LPGAT1: variants seen among roughly 807,000 people sequenced by gnomAD.
The protein encoded by LPGAT1 is lysophosphatidylglycerol acyltransferase 1, also known as acyl-CoA:lysophosphatidylglycerol acyltransferase 1.
Under a neutral mutation model 47.5 loss-of-function variants are expected in LPGAT1, and 11 were observed. That is an observed-to-expected ratio of 0.23 (90% CI 0.15 to 0.38). LPGAT1 has a LOEUF of 0.38. Ranked by LOEUF, LPGAT1 falls within the 10% of genes least tolerant of loss-of-function variation. The pLI, the probability that LPGAT1 is intolerant of heterozygous loss-of-function variation, is 1.00. For synonymous variants in LPGAT1, 138 were observed against 144.2 expected, an observed-to-expected ratio of 0.96 and a Z score of 0.31; for missense variants, 293 against 439.0, an observed-to-expected ratio of 0.67 and a Z score of 2.97.
At chr1:211,802,809 A>C (rs952637951) in intron 2 of LPGAT1, among the ~76,000 whole-genome samples, 4 of 152,194 alleles carry the variant, frequency 2.6e-5, no homozygotes, top group African/African-American at 9.6e-5. Context: ...CAGTGGATAA[A>C]AACAGACCTA....
intron 6 of LPGAT1, among the ~76,000 whole-genome samples, chr1:211,774,772 A>T (rs1257070928): frequency 6.6e-6 from 1 of 152,200 alleles, no homozygotes; most frequent in East Asian, 1.9e-4. Context: ...AATCCTAAAA[A>T]CCAACATAAG....
intron 2 of LPGAT1, among the ~76,000 whole-genome samples, chr1:211,822,366 T>C (rs947852248): frequency 1.3e-5 from 2 of 152,190 alleles, no homozygotes; most frequent in Non-Finnish European, 2.9e-5. Context: ...TTTAGTAATA[T>C]TTACCTTTAA....
Position 211,749,128 on chromosome 1 carries a change from C to T in LPGAT1, c.*771G>A, listed in dbSNP as rs1420604913. 2.0e-5 allele frequency: 3 copies of T among 152,758 alleles called. No individual in the cohort carries two copies. In the East Asian group the frequency reaches 5.8e-4, roughly 29 times the overall value. The allele number at this position is 152,758 out of a possible 1,614,324, so 9.5% of individuals were successfully genotyped here. On this transcript the variant is annotated 3_prime_UTR_variant, in exon 8 of 8. Coordinates refer to ENST00000366997, the MANE Select transcript of LPGAT1 (RefSeq NM_014873.3). ...ACACTGCTATGCTCCCATTTGTTTT[C>T]AGGCTATATTACTAATCCTTTGCTA...
intron 2 of LPGAT1, among the ~76,000 whole-genome samples, chr1:211,815,453 A>T (rs1660137733): frequency 6.6e-6 from 1 of 152,064 alleles, no homozygotes; most frequent in Non-Finnish European, 1.5e-5. Context: ...CATCATCACT[A>T]GACCAACCAT....
chr1:211,760,827 T>G (rs536579963), intron 6 of LPGAT1, among the ~76,000 whole-genome samples: 104 of 152,354 alleles, frequency 6.8e-4, no homozygotes, highest in African/African-American at 2.4e-3. Flanking sequence ...TCAGGAAATC[T>G]AATTGTTTCT....
At chr1:211,812,908 A>C (rs182214475) in intron 2 of LPGAT1, among the ~76,000 whole-genome samples, 7 of 152,274 alleles carry the variant, frequency 4.6e-5, no homozygotes, top group Non-Finnish European at 8.8e-5. Context: ...GAACAGTGAG[A>C]GAATAAGTTT....
chr1:211,750,838 C>A, intron 7 of LPGAT1, 123 bp downstream of exon 7: 1 of 674,260 alleles, frequency 1.5e-6, no homozygotes. Flanking sequence ...GGATTTGCTT[C>A]TCACAGGCAA....
chr1:211,756,944 G>A (rs1169504521), intron 6 of LPGAT1, among the ~76,000 whole-genome samples: 5 of 149,790 alleles, frequency 3.3e-5, no homozygotes, highest in African/African-American at 1.2e-4. Context: ...CCAGAAGACA[G>A]TGTGGCCTAG....
At position 211,830,658 on chromosome 1, in the gene LPGAT1, G is replaced by A. The variant is rs1660707262; in HGVS notation, c.-113C>T. The stretch of plus-strand genomic sequence containing the variant: ...GCCGGCGGCGGGGCCGGCGGAAGAA[G>A]GCGGTGGCGGGGCCCTGCCCCGCTC... On this transcript the variant is annotated 5_prime_UTR_variant, in exon 1 of 8. Transcript: ENST00000366997. The surrounding 1 kb of genome is among the most constrained non-coding windows in gnomAD (Gnocchi z 5.9). The A allele has an allele frequency of 1.7e-6, 2 of 1,200,630 alleles. No homozygotes were observed. Among genetic ancestry groups the A allele is most frequent in the Non-Finnish European group, 2.1e-6 (2 of 967,788 alleles). 74.4% of individuals were successfully genotyped at this position (1,200,630 alleles called of 1,614,324 possible).
Position 211,799,896 on chromosome 1 carries a change from C to T in LPGAT1, c.239-6706G>A, listed in dbSNP as rs1482833668. Among the ~76,000 whole-genome samples, 3 of 152,300 alleles carry T rather than the reference C, an allele frequency of 2.0e-5. No individual in the cohort carries two copies. In the East Asian group the frequency reaches 5.8e-4, roughly 29 times the overall value. On this transcript the variant is annotated intron_variant, in intron 2 of 7. Transcript: ENST00000366997. ...AGAACACTGCTGTTCACCCAGTCAT[C>T]TGAAGATGAAACCTAAGACTATCTT...
chr1:211,780,455 C>G (rs1214323313), intron 5 of LPGAT1, among the ~76,000 whole-genome samples: 1 of 152,068 alleles, frequency 6.6e-6, no homozygotes. Context: ...TATAATGGTC[C>G]ATTCTTTATT....
In LPGAT1 at chr1:211,829,060, T is replaced by C; in HGVS notation, c.237A>G (p.Thr79=). ...VASWGWYAGY[T]VMEWGEDIKA... is the part of the protein sequence containing the mutation. ...AAAGAAAAGTGTTCTCACTCTTACC[T>C]GTATATCCAGCATACCATCCCCAGG... Residue 79 remains threonine, a splice_region_variant and synonymous_variant, in exon 2 of 8, where the codon ACA becomes ACG. Coordinates refer to ENST00000366997, the MANE Select transcript of LPGAT1 (RefSeq NM_014873.3). The C allele has an allele frequency of 6.2e-7, 1 of 1,614,100 alleles. No homozygotes were observed. The highest frequency in any genetic ancestry group is 8.5e-7 in the Non-Finnish European group (1 of 1,179,980).
intron 6 of LPGAT1, among the ~76,000 whole-genome samples, chr1:211,771,353 A>G (rs770765510): frequency 3.9e-5 from 6 of 152,198 alleles, no homozygotes; most frequent in Non-Finnish European, 5.9e-5. Flanking sequence ...CACATTTCTC[A>G]GAAGGTATCC....
At chr1:211,823,281 G>A (rs150197780) in intron 2 of LPGAT1, among the ~76,000 whole-genome samples, 29 of 152,242 alleles carry the variant, frequency 1.9e-4, no homozygotes, top group African/African-American at 5.5e-4. Flanking sequence ...TTAAGTGACC[G>A]AAGCACTTTG....
chr1:211,744,266 C>G lies in LPGAT1; in HGVS notation c.*5633G>C, dbSNP rs139485210. The G allele has an allele frequency of 3.3e-5, 5 of 152,262 alleles. No homozygotes were observed. In the East Asian group the frequency reaches 9.6e-4, roughly 29 times the overall value. 9.4% of individuals were successfully genotyped at this position (152,262 alleles called of 1,614,324 possible). A position where few individuals can be genotyped will look rare whatever the true frequency, so the allele number is the denominator to read the frequency against. ...TGCTGGATACAGCCCCTACTGATTC[C>G]CAAGACCCAGTGGTCACATTTTAGA... On this transcript the variant is annotated 3_prime_UTR_variant, in exon 8 of 8. Transcript: ENST00000366997.
chr1:211,789,240 T>C (rs1396993070), intron 3 of LPGAT1, among the ~76,000 whole-genome samples: 2 of 152,192 alleles, frequency 1.3e-5, no homozygotes, highest in African/African-American at 2.4e-5. Flanking sequence ...AAGCAGTGGA[T>C]TCAACCTATA....
intron 4 of LPGAT1, among the ~76,000 whole-genome samples, chr1:211,785,050 C>G (rs532573331): frequency 1.1e-4 from 17 of 152,070 alleles, no homozygotes; most frequent in East Asian, 7.8e-4. Flanking sequence ...TGATCTGCCC[C>G]CCTTGGCCTC....
chr1:211,811,016 A>T lies in LPGAT1; in HGVS notation c.239-17826T>A, dbSNP rs569770968. Among the ~76,000 whole-genome samples, 143 of 152,336 alleles carry T rather than the reference A, an allele frequency of 9.4e-4. 5 individuals are homozygous for T. In the South Asian group the frequency reaches 0.029, roughly 31 times the overall value. ...GCAGTGGGACTGTGTTTAAATAAAG[A>T]GAACATTCACCACCCAAAGTGGGGA... On this transcript the variant is annotated intron_variant, in intron 2 of 7. Transcript: ENST00000366997.
At chr1:211,811,217 A>G (rs1352114231) in intron 2 of LPGAT1, among the ~76,000 whole-genome samples, 2 of 152,234 alleles carry the variant, frequency 1.3e-5, no homozygotes, top group Non-Finnish European at 2.9e-5. Flanking sequence ...AAATCCAAAC[A>G]AAAGGACTGG....
Sources: gnomAD v4.1 joint callset for allele counts (sites outside exome capture counted in the v4.1 genomes callset) on GRCh38, gnomAD v4.1.1 for gene constraint, Gnocchi (gnomAD v3.1) non-coding constraint, MANE v1.5 for transcripts, NCBI Gene and HGNC (gene_info 2026-07-23, HGNC 2026-07-21) for gene names.